The following ELK3 variants were observed in gnomAD, a reference collection of about 807,000 sequenced individuals.
ELK3 encodes the protein ETS domain-containing protein Elk-3.
A neutral mutation model predicts 28.9 loss-of-function variants in ELK3; 10 were observed. That is an observed-to-expected ratio of 0.35 (90% CI 0.21 to 0.59). The LOEUF (loss-of-function observed/expected upper bound fraction) is 0.59. Ranked by LOEUF, ELK3 falls within the 20% of genes least tolerant of loss-of-function variation. ELK3 has a pLI of 0.82. For missense variants in ELK3, 463 were observed against 517.3 expected (o/e 0.90, Z 1.02); for synonymous variants, 272 against 243.5 (o/e 1.12, Z -1.09).
Position 96,259,956 on chromosome 12 carries a change from A to C in ELK3, c.1125+103A>C, listed in dbSNP as rs1304132182. On this transcript the variant is annotated intron_variant, in intron 4 of 4. Coordinates refer to ENST00000228741, the MANE Select transcript of ELK3 (RefSeq NM_005230.4). ...GTGAGTTTTGCCATATGTTGAGTTGAAATATTAAATGTCCAGAGGGGGTTC... is the reference window on the plus strand; with the variant it reads ...GTGAGTTTTGCCATATGTTGAGTTGCAATATTAAATGTCCAGAGGGGGTTC... The C allele has an allele frequency of 9.1e-6, 13 of 1,420,922 alleles. No homozygotes were observed. In the Admixed American group the frequency reaches 9.6e-5, roughly 10 times the overall value. 88.0% of individuals were successfully genotyped at this position (1,420,922 alleles called of 1,614,324 possible).
At chr12:96,206,275 G>A (rs1188041273) in intron 1 of ELK3, among the ~76,000 whole-genome samples, 2 of 151,912 alleles carry the variant, frequency 1.3e-5, no homozygotes, top group Non-Finnish European at 2.9e-5. Context: ...AATGAAAGGG[G>A]CAATTTTCTT....
At chr12:96,259,615 G>A in intron 3 of ELK3, 116 bp from the exon 4 acceptor site, 1 of 1,183,502 alleles carries the variant, frequency 8.4e-7, no homozygotes, top group Non-Finnish European at 1.2e-6. Flanking sequence ...TTCCTGAGAT[G>A]GTAAGGTCGT....
At chr12:96,195,199 A>T (rs554702243) in intron 1 of ELK3, among the ~76,000 whole-genome samples, 79 of 152,120 alleles carry the variant, frequency 5.2e-4, no homozygotes, top group African/African-American at 1.9e-3. Flanking sequence ...TCGAGTGGGC[A>T]AAGTGCACTG....
At chr12:96,239,259 CATATAA>C (rs758909846) in intron 2 of ELK3, among the ~76,000 whole-genome samples, 3 of 152,078 alleles carry the variant, frequency 2.0e-5, no homozygotes, top group Non-Finnish European at 2.9e-5. Context: ...CAGTAGAAAA[CATATAA>C]ATATATATGC....
intron 3 of ELK3, among the ~76,000 whole-genome samples, chr12:96,249,236 G>A (rs867065288): frequency 6.6e-5 from 10 of 152,206 alleles, no homozygotes; most frequent in African/African-American, 1.9e-4. Flanking sequence ...TTCCCGCTGC[G>A]AGAAGGCAGT....
At chr12:96,231,680 A>G (rs1291742841) in intron 2 of ELK3, among the ~76,000 whole-genome samples, 3 of 152,082 alleles carry the variant, frequency 2.0e-5, no homozygotes, top group African/African-American at 4.8e-5. Flanking sequence ...TTTAGTAGAG[A>G]TGGGATTTCA....
At chr12:96,201,523 G>T in intron 1 of ELK3, among the ~76,000 whole-genome samples, 1 of 142,976 alleles carries the variant, frequency 7.0e-6, no homozygotes, top group Non-Finnish European at 1.5e-5. Context: ...CAAGGCTGCA[G>T]TGAACCATGA....
At chr12:96,202,467 CTAGAG>C (rs1225769143) in intron 1 of ELK3, among the ~76,000 whole-genome samples, 1 of 151,066 alleles carries the variant, frequency 6.6e-6, no homozygotes, top group African/African-American at 2.4e-5. Flanking sequence ...TTCCTGTCAC[CTAGAG>C]TAGATCTCCC....
At chr12:96,200,965 T>C (rs992465454) in intron 1 of ELK3, among the ~76,000 whole-genome samples, 1 of 152,172 alleles carries the variant, frequency 6.6e-6, no homozygotes, top group African/African-American at 2.4e-5. Context: ...GCCTGGCCTC[T>C]GGCTAATTTT....
intron 1 of ELK3, among the ~76,000 whole-genome samples, chr12:96,210,985 TG>T: frequency 6.6e-6 from 1 of 152,350 alleles, no homozygotes; most frequent in African/African-American, 2.4e-5. Flanking sequence ...ATTAAGAACC[TG>T]GACTTTGGAG....
intron 2 of ELK3, among the ~76,000 whole-genome samples, chr12:96,239,688 C>G (rs1052385116): frequency 5.3e-5 from 8 of 152,352 alleles, no homozygotes; most frequent in East Asian, 1.9e-4. Context: ...TGAACAGGTT[C>G]CTGCCTCGGG....
rs138336282 is a variant in ELK3, at chr12:96,226,757, T to C, written c.207+2984T>C. On this transcript the variant is annotated intron_variant, in intron 2 of 4. Transcript: ENST00000228741. ...TTCTTGCTTATAAAATGCTCTCAAG[T>C]GATGAGCAAGACGGAAAGTTAGACT... Among the ~76,000 whole-genome samples, 735 of 151,136 alleles carry C rather than the reference T, an allele frequency of 4.9e-3. 12 individuals are homozygous for C. Among genetic ancestry groups the C allele is most frequent in the African/African-American group, 0.017 (683 of 40,648 alleles).
At chr12:96,239,984 C>T (rs543616554) in intron 2 of ELK3, among the ~76,000 whole-genome samples, 128 of 152,378 alleles carry the variant, frequency 8.4e-4, no homozygotes, top group Non-Finnish European at 1.6e-3. Context: ...ATCTGCGGCT[C>T]CGTGTGTCCC....
chr12:96,200,156 G>C (rs571691848), intron 1 of ELK3, among the ~76,000 whole-genome samples: 4 of 152,180 alleles, frequency 2.6e-5, no homozygotes, highest in African/African-American at 9.6e-5. Flanking sequence ...GAGGTAATTA[G>C]ATCCATCATC....
intron 1 of ELK3, among the ~76,000 whole-genome samples, chr12:96,208,853 G>A (rs894321077): frequency 6.6e-6 from 1 of 152,114 alleles, no homozygotes; most frequent in African/African-American, 2.4e-5. Context: ...GAGGTCCCGG[G>A]CCAGGTGCAG....
intron 2 of ELK3, among the ~76,000 whole-genome samples, chr12:96,238,811 C>T (rs1255619925): frequency 2.6e-5 from 4 of 152,292 alleles, no homozygotes; most frequent in South Asian, 4.1e-4. Context: ...CAAGCAAGGC[C>T]CATGCTTTCT....
intron 1 of ELK3, among the ~76,000 whole-genome samples, chr12:96,203,474 C>G (rs1951519436): frequency 6.6e-6 from 1 of 152,188 alleles, no homozygotes; most frequent in Admixed American, 6.5e-5. Flanking sequence ...TTGTACAATA[C>G]CTGGCACTCA....
intron 3 of ELK3, among the ~76,000 whole-genome samples, chr12:96,253,879 G>A (rs1377303627): frequency 6.6e-6 from 1 of 152,212 alleles, no homozygotes; most frequent in East Asian, 1.9e-4. Flanking sequence ...ACAGAGGTTA[G>A]CAAGATAGAA....
intron 1 of ELK3, among the ~76,000 whole-genome samples, chr12:96,220,418 G>A (rs1951654170): frequency 1.7e-5 from 2 of 118,358 alleles, no homozygotes; most frequent in African/African-American, 3.3e-5. Flanking sequence ...ATGGAGTTTC[G>A]CTCTTGTTGT....
Sources: gnomAD v4.1 joint callset for allele counts (sites outside exome capture counted in the v4.1 genomes callset) on GRCh38, gnomAD v4.1.1 for gene constraint, MANE v1.5 for transcripts, NCBI Gene and HGNC (gene_info 2026-07-23, HGNC 2026-07-21) for gene names.